The following RPTOR variants were observed in gnomAD, a reference collection of about 807,000 sequenced individuals.
RPTOR encodes regulatory associated protein of MTOR complex 1.
A neutral mutation model predicts 169.9 loss-of-function variants in RPTOR; 21 were observed. The observed-to-expected ratio is 0.12, with a 90% CI of 0.09 to 0.18. RPTOR has a LOEUF of 0.18. RPTOR is among the 10% of genes least tolerant of loss of function. The pLI is 1.00. For missense variants in RPTOR, 1,133 were observed against 1,855.9 expected (o/e 0.61, Z 7.16); for synonymous variants, 732 against 753.2 (o/e 0.97, Z 0.46).
intron 1 of RPTOR, among the ~76,000 whole-genome samples, chr17:80,587,035 C>G (rs2143393519): frequency 6.6e-6 from 1 of 152,380 alleles, no homozygotes; most frequent in South Asian, 2.1e-4. Flanking sequence ...CGAGAATGTG[C>G]TGTGTGTACA....
intron 6 of RPTOR, among the ~76,000 whole-genome samples, chr17:80,760,671 C>T (rs1344890467): frequency 1.3e-5 from 2 of 152,198 alleles, no homozygotes; most frequent in East Asian, 1.9e-4. Context: ...CTTGGCACTT[C>T]CTGCTCCAGA....
intron 13 of RPTOR, among the ~76,000 whole-genome samples, chr17:80,880,184 CTG>C (rs1302476799): frequency 6.6e-6 from 1 of 152,196 alleles, no homozygotes; most frequent in African/African-American, 2.4e-5. Context: ...AAGAAAACGT[CTG>C]GGAGCTGCTT....
Position 80,860,048 on chromosome 17 carries a change from G to A in RPTOR, c.1509+2148G>A, listed in dbSNP as rs537343711. 2.6e-5 allele frequency among the ~76,000 whole-genome samples: 4 copies of A among 152,326 alleles called. No homozygotes were observed. The highest frequency in any genetic ancestry group is 7.2e-5 in the African/African-American group (3 of 41,582). On this transcript the variant is annotated intron_variant, in intron 13 of 33. Coordinates refer to ENST00000306801, the MANE Select transcript of RPTOR (RefSeq NM_020761.3). This position sits in a 1 kb window ranked among gnomAD's most constrained non-coding sequence, Gnocchi z 5.8. ...TTGGAGAGGCCATGGCTTGGAGCCG[G>A]GGAAGACCACCCTTTCCTTTTCTGT...
intron 5 of RPTOR, among the ~76,000 whole-genome samples, chr17:80,734,722 G>A (rs1351725861): frequency 6.6e-6 from 1 of 152,104 alleles, no homozygotes; most frequent in South Asian, 2.1e-4. Context: ...GGCCACAGCT[G>A]TCTCTTTATA....
intron 13 of RPTOR, among the ~76,000 whole-genome samples, chr17:80,866,196 G>T (rs1346814521): frequency 6.7e-6 from 1 of 149,004 alleles, no homozygotes; most frequent in Admixed American, 6.7e-5. Flanking sequence ...ATAATATAAT[G>T]TACATATAAT....
At chr17:80,598,826 G>T (rs966616608) in intron 1 of RPTOR, among the ~76,000 whole-genome samples, 3 of 152,196 alleles carry the variant, frequency 2.0e-5, no homozygotes, top group African/African-American at 7.2e-5. Context: ...TACATTAACT[G>T]TTCAGACGCT....
chr17:80,930,244 G>GGTCATCCTCAA (rs2068865591), intron 24 of RPTOR, among the ~76,000 whole-genome samples: 72 of 20,558 alleles, frequency 3.5e-3, no homozygotes, highest in South Asian at 6.4e-3. Context: ...CTCATCCTCA[G>GGTCATCCTCAA]CTCAGCTCAT....
rs1055165523 is a variant in RPTOR, at chr17:80,959,223, T to TG, written c.3478-848dup. Among the ~76,000 whole-genome samples the TG allele has an allele frequency of 4.6e-5, 7 of 151,896 alleles. No homozygotes were observed. Among genetic ancestry groups the TG allele is most frequent in the South Asian group, 2.1e-4 (1 of 4,788 alleles). Reference sequence around the variant, plus strand: ...AGCTTTCATGGCACCTTCTTTGGGGTGGGGGGGTCTTGCACCTGTCTGGAG... The same window carrying TG: ...AGCTTTCATGGCACCTTCTTTGGGGTGGGGGGGGTCTTGCACCTGTCTGGAG... On this transcript the variant is annotated intron_variant, in intron 29 of 33. Coordinates refer to ENST00000306801, the MANE Select transcript of RPTOR (RefSeq NM_020761.3). The surrounding 1 kb of genome is among the most constrained non-coding windows in gnomAD (Gnocchi z 6.7).
chr17:80,904,331 G>A (rs2068514469), intron 20 of RPTOR, among the ~76,000 whole-genome samples: 1 of 152,202 alleles, frequency 6.6e-6, no homozygotes, highest in Non-Finnish European at 1.5e-5. Flanking sequence ...GCACATCAGA[G>A]GGCGTAACCC....
At position 80,754,123 on chromosome 17, in the gene RPTOR, C is replaced by A. The variant is rs369427823; in HGVS notation, c.768C>A (p.Pro256=). The change falls in exon 6 of 34, where the codon CCC becomes CCA. Residue 256 remains proline, a synonymous_variant. Coordinates refer to ENST00000306801, the MANE Select transcript of RPTOR (RefSeq NM_020761.3). This position sits in a 1 kb window ranked among gnomAD's most constrained non-coding sequence, Gnocchi z 4.2. ...CCACCGAGCTGCTGCCCATGATCCC[C>A]GACCTCCCGGCTGACCTATTCACCT... ...CEATELLPMI[P]DLPADLFTSC... is the part of the protein sequence containing the mutation. 8.1e-6 allele frequency: 13 copies of A among 1,613,822 alleles called. No individual in the cohort carries two copies. Among genetic ancestry groups the A allele is most frequent in the Non-Finnish European group, 1.0e-5 (12 of 1,180,020 alleles).
intron 7 of RPTOR, among the ~76,000 whole-genome samples, chr17:80,817,977 A>AAACC (rs2067341139): frequency 6.6e-6 from 1 of 152,206 alleles, no homozygotes; most frequent in South Asian, 2.1e-4. Context: ...TCCTGGCAAG[A>AAACC]AACCGCATGC....
intron 13 of RPTOR, among the ~76,000 whole-genome samples, chr17:80,870,283 A>T (rs542023462): frequency 6.6e-6 from 1 of 152,230 alleles, no homozygotes; most frequent in Non-Finnish European, 1.5e-5. Context: ...GAGGCTTCCC[A>T]CTGGGAACAG....
Position 80,914,533 on chromosome 17 carries a change from C to T in RPTOR, c.2520+5604C>T, listed in dbSNP as rs2068649905. Among the ~76,000 whole-genome samples, 4 of 152,210 alleles carry T rather than the reference C, an allele frequency of 2.6e-5. No homozygotes were observed. In the South Asian group the frequency reaches 6.2e-4, roughly 24 times the overall value. ...CAGGAAGTGCCCCTACCCCTGCAGG[C>T]TTGGAAGCGTCTGCTCCCGCTCCCT... On this transcript the variant is annotated intron_variant, in intron 21 of 33. Transcript: ENST00000306801.
chr17:80,849,019 C>T (rs1049986443), intron 11 of RPTOR, among the ~76,000 whole-genome samples: 5 of 152,194 alleles, frequency 3.3e-5, no homozygotes, highest in South Asian at 2.1e-4. Flanking sequence ...TGTGCCCAGC[C>T]GGGATCAATG....
At chr17:80,727,891 A>G (rs1363469043) in intron 4 of RPTOR, among the ~76,000 whole-genome samples, 2 of 152,162 alleles carry the variant, frequency 1.3e-5, no homozygotes, top group East Asian at 3.8e-4. Context: ...CCTTCCATAC[A>G]AGCTTCATTA....
At chr17:80,681,765 G>GGTGTACGTCTCTTACACCTTCATGAC (rs1567854416) in intron 3 of RPTOR, among the ~76,000 whole-genome samples, 3 of 114,558 alleles carry the variant, frequency 2.6e-5, no homozygotes, top group Non-Finnish European at 3.6e-5. Context: ...ACCTTCATGA[G>GGTGTACGTCTCTTACACCTTCATGAC]GTGTACGTCT....
intron 11 of RPTOR, among the ~76,000 whole-genome samples, chr17:80,854,952 A>G (rs2143742352): frequency 6.6e-6 from 1 of 152,374 alleles, no homozygotes. Flanking sequence ...TTAAATATCT[A>G]TCACTGGGGA....
chr17:80,634,479 C>G lies in RPTOR; in HGVS notation c.265+8686C>G, dbSNP rs1414760366. ...TGTGCATAGTGTGTGCGTGTGCATA[C>G]TGTGTGTGCATACTGTGTGTGTGCA... On this transcript the variant is annotated intron_variant, in intron 2 of 33. Coordinates refer to ENST00000306801, the MANE Select transcript of RPTOR (RefSeq NM_020761.3). Among the ~76,000 whole-genome samples the G allele has an allele frequency of 4.4e-3, 388 of 88,188 alleles. 10 individuals are homozygous for G. The highest frequency in any genetic ancestry group is 0.017 in the African/African-American group (367 of 21,570). 57.9% of individuals were successfully genotyped at this position (88,188 alleles called of 152,430 possible).
intron 12 of RPTOR, among the ~76,000 whole-genome samples, chr17:80,857,482 G>A (rs2067866581): frequency 6.6e-6 from 1 of 152,218 alleles, no homozygotes; most frequent in South Asian, 2.1e-4. Context: ...AGCAGACGAG[G>A]CCACTGAGGG....
Sources: allele counts gnomAD v4.1 joint callset (sites outside exome capture counted in the v4.1 genomes callset), GRCh38; gene constraint gnomAD v4.1.1; non-coding constraint Gnocchi (gnomAD v3.1); transcripts MANE v1.5; gene names NCBI Gene and HGNC (gene_info 2026-07-23, HGNC 2026-07-21).